The following DNAH8 variants were observed in gnomAD, a reference collection of about 807,000 sequenced individuals.
DNAH8 encodes dynein axonemal heavy chain 8, also known as axonemal beta dynein heavy chain 8.
In DNAH8, 382 loss-of-function variants were observed where a neutral mutation model predicts 562.1. That is an observed-to-expected ratio of 0.68 (90% CI 0.63 to 0.74). The LOEUF is 0.74. DNAH8 is among the 30% of genes least tolerant of loss of function. The probability of loss-of-function intolerance (pLI) is 0.00; values close to 1 mark genes in which losing one functional copy is unlikely to be tolerated. For synonymous variants in DNAH8, 1,881 were observed against 1,919.4 expected (o/e 0.98, Z 0.52); for missense variants, 5,203 against 5,620.4 (o/e 0.93, Z 2.37).
chr6:39,030,549 T>C lies in DNAH8; in HGVS notation c.*157T>C, dbSNP rs1304626303. ...CTAAAATTGCTAGTGCGTGTGTGTT[T>C]TCCTCACATATCAATATTCAAAAAG... On this transcript the variant is annotated 3_prime_UTR_variant, in exon 93 of 93. Coordinates refer to ENST00000327475, the MANE Select transcript of DNAH8 (RefSeq NM_001206927.2). 3.3e-6 allele frequency: 2 copies of C among 601,292 alleles called. No homozygotes were observed. The highest frequency in any genetic ancestry group is 2.2e-5 in the South Asian group (1 of 44,840). The allele number at this position is 601,292 out of a possible 1,614,324, so 37.2% of individuals were successfully genotyped here. A position where few individuals can be genotyped will look rare whatever the true frequency, so the allele number is the denominator to read the frequency against.
intron 65 of DNAH8, 98 bp downstream of exon 65, chr6:38,909,842 T>C: frequency 1.0e-6 from 1 of 954,430 alleles, no homozygotes; most frequent in Non-Finnish European, 1.6e-6. Context: ...TTTCTATTCA[T>C]TGAGCACGAG....
chr6:38,907,247 C>T (rs908318761), intron 63 of DNAH8, among the ~76,000 whole-genome samples: 1 of 152,220 alleles, frequency 6.6e-6, no homozygotes, highest in African/African-American at 2.4e-5. Flanking sequence ...TGCAGAACGT[C>T]CTCTCCATCC....
intron 62 of DNAH8, among the ~76,000 whole-genome samples, chr6:38,904,150 A>C (rs1780270058): frequency 6.6e-6 from 1 of 152,194 alleles, no homozygotes; most frequent in South Asian, 2.1e-4. Context: ...TAAATAAAAA[A>C]ATGACCAGCT....
chr6:38,774,290 T>C (rs901130686), intron 12 of DNAH8, among the ~76,000 whole-genome samples: 1 of 151,862 alleles, frequency 6.6e-6, no homozygotes, highest in Non-Finnish European at 1.5e-5. Context: ...GTAGGTGAGG[T>C]AGGGTCTCCA....
intron 36 of DNAH8, among the ~76,000 whole-genome samples, chr6:38,847,638 C>A (rs1020213296): frequency 2.0e-5 from 3 of 152,072 alleles, no homozygotes; most frequent in African/African-American, 7.2e-5. Context: ...GAAAAAACCC[C>A]ATTCTACATG....
At position 38,872,673 on chromosome 6, in the gene DNAH8, A is replaced by G; in HGVS notation, c.7128A>G (p.Pro2376=). ...CTCATAGAGAAATGCGAATGAATCC[A>G]AAAGCCATTACTGCACCTCAGATGT... ...GRPHREMRMN[P]KAITAPQMFG... is the part of the protein sequence containing the mutation. Residue 2376 remains proline (P), a synonymous_variant, in exon 50 of 93, where the codon CCA becomes CCG. Coordinates refer to ENST00000327475, the MANE Select transcript of DNAH8 (RefSeq NM_001206927.2). 1.9e-6 allele frequency: 3 copies of G among 1,614,144 alleles called. No homozygotes were observed. The highest frequency in any genetic ancestry group is 2.5e-6 in the Non-Finnish European group (3 of 1,179,976).
chr6:38,725,349 C>G lies in DNAH8; in HGVS notation c.525+1878C>G, dbSNP rs912231012. 9.0e-4 allele frequency among the ~76,000 whole-genome samples: 83 copies of G among 91,802 alleles called. 1 individual carries two copies. Among genetic ancestry groups the G allele is most frequent in the Non-Finnish European group, 1.2e-3 (51 of 42,030 alleles). 60.2% of individuals were successfully genotyped at this position (91,802 alleles called of 152,430 possible). A position where few individuals can be genotyped will look rare whatever the true frequency, so the allele number is the denominator to read the frequency against. On this transcript the variant is annotated intron_variant, in intron 3 of 92. Transcript: ENST00000327475. The stretch of plus-strand genomic sequence containing the variant: ...TAATAATAATAATAAAGAGCTACTC[C>G]CTTGCTTGATACAGTGCATTGCTAA...
chr6:38,883,021 T>C lies in DNAH8; in HGVS notation c.7970T>C (p.Phe2657Ser), dbSNP rs1366281138. 1 of 1,601,238 alleles carries C rather than the reference T, an allele frequency of 6.2e-7. No homozygotes were observed. The highest frequency in any genetic ancestry group is 8.5e-7 in the Non-Finnish European group (1 of 1,175,988). Reference protein sequence around the residue: ...VPNVDNIRTNFLIDTIAKQHK... With the variant: ...VPNVDNIRTNSLIDTIAKQHK... ...AATGTTGACAATATTAGAACAAATT[T>C]TTTGATAGACACCATTGCAAAACAA... The change falls in exon 54 of 93, where the codon TTT becomes TCT. Residue 2657 changes from phenylalanine to serine, a missense_variant. By Grantham distance (155) the Phe-to-Ser change is radical. Coordinates refer to ENST00000327475, the MANE Select transcript of DNAH8 (RefSeq NM_001206927.2).
chr6:38,917,965 TC>T lies in DNAH8; in HGVS notation c.10352del (p.Pro3451LeufsTer5). 6.2e-7 allele frequency: 1 copy of T among 1,613,690 alleles called. No homozygotes were observed. The highest frequency in any genetic ancestry group is 8.5e-7 in the Non-Finnish European group (1 of 1,179,818). On this transcript the variant is annotated frameshift_variant, in exon 70 of 93. Coordinates refer to ENST00000327475, the MANE Select transcript of DNAH8 (RefSeq NM_001206927.2). LOFTEE classifies it high-confidence loss of function. Reference protein sequence around the residue: ...ATGFLWSLQQFPKDTINEETV... With the variant: ...ATGFLWSLQQXPKDTINEETV... ...GGATTCCTGTGGAGCCTTCAGCAGTTCCCTAAGGACACTATAAATGAAGAGA... is the reference window on the plus strand; with the variant it reads ...GGATTCCTGTGGAGCCTTCAGCAGTTCCTAAGGACACTATAAATGAAGAGA...
intron 1 of DNAH8, among the ~76,000 whole-genome samples, chr6:38,717,724 A>C (rs994278247): frequency 1.3e-5 from 2 of 151,894 alleles, no homozygotes; most frequent in African/African-American, 4.8e-5. Flanking sequence ...TCTTTCACTC[A>C]GAGTGATTCT....
intron 79 of DNAH8, among the ~76,000 whole-genome samples, chr6:38,941,763 AG>A (rs1783480123): frequency 6.6e-6 from 1 of 152,114 alleles, no homozygotes; most frequent in South Asian, 2.1e-4. Flanking sequence ...GCAGGGGGGT[AG>A]GGGGCATTGA....
intron 79 of DNAH8, among the ~76,000 whole-genome samples, chr6:38,944,725 G>A (rs1231553929): frequency 2.6e-5 from 4 of 152,182 alleles, no homozygotes; most frequent in Non-Finnish European, 4.4e-5. Context: ...GTAAAAGCAA[G>A]GGCCTGGTTG....
At chr6:38,922,675 C>T (rs767723271) in intron 71 of DNAH8, among the ~76,000 whole-genome samples, 8 of 152,020 alleles carry the variant, frequency 5.3e-5, no homozygotes, top group Non-Finnish European at 1.2e-4. Flanking sequence ...GGGATTTTTC[C>T]AGGAGAAAAT....
chr6:38,759,616 C>T (rs950197408), intron 10 of DNAH8, among the ~76,000 whole-genome samples: 1 of 152,130 alleles, frequency 6.6e-6, no homozygotes, highest in Admixed American at 6.6e-5. Flanking sequence ...CACCTTTGCA[C>T]TTTCTAGTGA....
chr6:38,741,581 C>T (rs1471865262), intron 7 of DNAH8, 130 bp from the exon 8 acceptor site: 3 of 705,550 alleles, frequency 4.3e-6, no homozygotes, highest in Admixed American at 6.5e-5. Context: ...TCTTCATTTA[C>T]TGAGAGTTTT....
At chr6:38,908,246 C>T (rs1256260994) in intron 64 of DNAH8, 126 bp downstream of exon 64, 7 of 534,188 alleles carry the variant, frequency 1.3e-5, no homozygotes, top group Non-Finnish European at 1.8e-5. Context: ...AAAATTAACA[C>T]TTTTGTACCA....
intron 70 of DNAH8, among the ~76,000 whole-genome samples, chr6:38,919,349 G>C (rs1007577900): frequency 6.6e-6 from 1 of 152,148 alleles, no homozygotes. Flanking sequence ...TAGGCATAGG[G>C]CCAGCTTCTT....
At chr6:38,807,066 T>C (rs1771344792) in intron 23 of DNAH8, among the ~76,000 whole-genome samples, 1 of 152,210 alleles carries the variant, frequency 6.6e-6, no homozygotes, top group Non-Finnish European at 1.5e-5. Context: ...AAACCTGTCC[T>C]GTGCTCTGAT....
At chr6:38,780,186 C>T in intron 15 of DNAH8, 121 bp downstream of exon 15, 1 of 920,014 alleles carries the variant, frequency 1.1e-6, no homozygotes, top group South Asian at 1.7e-5. Flanking sequence ...TGCTAAGGAG[C>T]ATTGACGCTC....
Sources: allele counts gnomAD v4.1 joint callset (sites outside exome capture counted in the v4.1 genomes callset), GRCh38; gene constraint gnomAD v4.1.1; transcripts MANE v1.5; gene names NCBI Gene and HGNC (gene_info 2026-07-23, HGNC 2026-07-21).